PBRM1: variants seen among roughly 807,000 people sequenced by gnomAD.
The protein encoded by PBRM1 is polybromo 1, also known as protein polybromo-1.
Under a neutral mutation model 194.5 loss-of-function variants are expected in PBRM1, and 27 were observed. That is an observed-to-expected ratio of 0.14 (90% confidence interval 0.10 to 0.19). The LOEUF (loss-of-function observed/expected upper bound fraction) is 0.19, where lower values mean the gene tolerates loss of function less well. Ranked by LOEUF, PBRM1 falls within the 10% of genes least tolerant of loss-of-function variation. The pLI, the probability that PBRM1 is intolerant of heterozygous loss-of-function variation, is 1.00. For missense variants in PBRM1, 1,466 were observed against 2,077.2 expected, an observed-to-expected ratio of 0.71 and a Z score of 5.72; for synonymous variants, 655 against 693.2, an observed-to-expected ratio of 0.94 and a Z score of 0.87.
intron 17 of PBRM1, among the ~76,000 whole-genome samples, chr3:52,598,201 A>G (rs1343398813): frequency 6.6e-6 from 1 of 152,258 alleles, no homozygotes; most frequent in East Asian, 1.9e-4. Flanking sequence ...AACATATAAT[A>G]CAAAACAGTT....
At chr3:52,652,374 G>C (rs1195722360) in intron 5 of PBRM1, among the ~76,000 whole-genome samples, 1 of 135,314 alleles carries the variant, frequency 7.4e-6, no homozygotes, top group Non-Finnish European at 1.6e-5. Context: ...ACAAGAAAGA[G>C]ACTTCGTCTC....
chr3:52,590,143 G>C (rs2092886417), intron 17 of PBRM1, among the ~76,000 whole-genome samples: 1 of 151,190 alleles, frequency 6.6e-6, no homozygotes, highest in Non-Finnish European at 1.5e-5. Flanking sequence ...TTTTTGTTAA[G>C]TAAAACTTAT....
intron 13 of PBRM1, among the ~76,000 whole-genome samples, chr3:52,622,985 A>G (rs989079131): frequency 1.3e-5 from 2 of 152,244 alleles, no homozygotes; most frequent in South Asian, 2.1e-4. Context: ...AGAATCAAAT[A>G]TAATTATTAC....
chr3:52,612,042 G>A (rs1202131027), intron 15 of PBRM1, among the ~76,000 whole-genome samples: 5 of 151,458 alleles, frequency 3.3e-5, no homozygotes, highest in Admixed American at 1.3e-4. Flanking sequence ...GGCAGATCAC[G>A]AGGTTAGGAG....
intron 22 of PBRM1, among the ~76,000 whole-genome samples, chr3:52,574,515 A>G (rs1400267823): frequency 1.3e-5 from 2 of 152,322 alleles, no homozygotes; most frequent in East Asian, 1.9e-4. Flanking sequence ...TAGATATGAC[A>G]AAAGGCCTCA....
At chr3:52,612,120 C>G (rs1254765802) in intron 15 of PBRM1, among the ~76,000 whole-genome samples, 1 of 151,462 alleles carries the variant, frequency 6.6e-6, no homozygotes, top group Non-Finnish European at 1.5e-5. Flanking sequence ...ATCAGCCGGG[C>G]GTGGTGGTGC....
intron 1 of PBRM1, 95 bp from the exon 3 acceptor site, chr3:52,678,692 A>ACTAC: frequency 1.4e-6 from 1 of 705,078 alleles, no homozygotes; most frequent in Non-Finnish European, 2.4e-6. Flanking sequence ...ATAAAAGGCA[A>ACTAC]GTAGAGAAGA....
At chr3:52,601,277 T>C (rs1394368080) in intron 17 of PBRM1, among the ~76,000 whole-genome samples, 1 of 152,186 alleles carries the variant, frequency 6.6e-6, no homozygotes, top group African/African-American at 2.4e-5. Context: ...CCCCAACGTT[T>C]TTGGCACCAG....
At chr3:52,641,998 G>T in exon 10 of PBRM1, 1 of 1,608,278 alleles carries the variant, frequency 6.2e-7, no homozygotes, top group Non-Finnish European at 8.5e-7. Context: ...ATATTGAAGT[G>T]CCATTGTAAT....
At chr3:52,603,173 A>T (rs956629484) in intron 17 of PBRM1, among the ~76,000 whole-genome samples, 13 of 152,170 alleles carry the variant, frequency 8.5e-5, no homozygotes, top group African/African-American at 3.1e-4. Context: ...TGTGGCAAAA[A>T]CTTCATGGAC....
chr3:52,660,831 C>T (rs979767907), intron 4 of PBRM1, among the ~76,000 whole-genome samples: 2 of 151,852 alleles, frequency 1.3e-5, no homozygotes, highest in East Asian at 3.9e-4. Context: ...TATTTTGAGA[C>T]TCTAAGAAGT....
At chr3:52,678,688 G>C in intron 1 of PBRM1, 91 bp from the exon 3 acceptor site, 2 of 724,932 alleles carry the variant, frequency 2.8e-6, no homozygotes, top group Non-Finnish European at 4.6e-6. Context: ...TTCAATAAAA[G>C]GCAAGTAGAG....
chr3:52,574,040 G>A (rs965528793), intron 22 of PBRM1, among the ~76,000 whole-genome samples: 5 of 152,238 alleles, frequency 3.3e-5, no homozygotes, highest in African/African-American at 1.2e-4. Context: ...TCCCTTGGTG[G>A]AGAAGTGTCT....
chr3:52,566,133 T>C (rs2085149245), intron 22 of PBRM1, among the ~76,000 whole-genome samples: 1 of 151,640 alleles, frequency 6.6e-6, no homozygotes, highest in African/African-American at 2.4e-5. Flanking sequence ...GGCAATGTAA[T>C]ACTACTTCAC....
At chr3:52,624,734 T>C (rs78561615) in intron 13 of PBRM1, among the ~76,000 whole-genome samples, 163 bp downstream of exon 15, 6 of 152,362 alleles carry the variant, frequency 3.9e-5, no homozygotes, top group African/African-American at 1.4e-4. Context: ...GCTAACAAGA[T>C]TTTTTAAACT....
At chr3:52,561,743 C>T (rs753827479) in intron 25 of PBRM1, 24 bp downstream of exon 27, 2 of 1,603,846 alleles carry the variant, frequency 1.2e-6, no homozygotes, top group Non-Finnish European at 8.5e-7. Context: ...CTTCGAAAGA[C>T]AGTTGTGCCT....
intron 17 of PBRM1, among the ~76,000 whole-genome samples, chr3:52,596,435 T>TCA (rs2093555451): frequency 4.1e-5 from 1 of 24,676 alleles, no homozygotes; most frequent in African/African-American, 1.8e-4. Flanking sequence ...AGACTCCGTC[T>TCA]CAAAAAAAAA....
At chr3:52,554,988 CTGCA>C (rs2153431969) in intron 26 of PBRM1, 109 bp from the exon 29 acceptor site, 2 of 777,766 alleles carry the variant, frequency 2.6e-6, no homozygotes, top group East Asian at 5.7e-5. Context: ...ACCCTTAGTA[CTGCA>C]TGATATAACA....
At chr3:52,637,230 C>T (rs984805604) in intron 10 of PBRM1, among the ~76,000 whole-genome samples, 1 of 152,128 alleles carries the variant, frequency 6.6e-6, no homozygotes, top group Non-Finnish European at 1.5e-5. Flanking sequence ...GATCCTTACA[C>T]CTTATTGTTG....
Sources: allele counts gnomAD v4.1 joint callset (sites outside exome capture counted in the v4.1 genomes callset), GRCh38; gene constraint gnomAD v4.1.1; transcripts MANE v1.5; gene names NCBI Gene and HGNC (gene_info 2026-07-23, HGNC 2026-07-21).